RHOQ: variants seen among roughly 807,000 people sequenced by gnomAD.
RHOQ encodes the protein rho-related GTP-binding protein RhoQ.
In RHOQ, 7 loss-of-function variants were observed where a neutral mutation model predicts 25.8. The ratio of observed to expected loss-of-function variants is 0.27; its 90% CI spans 0.15 to 0.51. The LOEUF (loss-of-function observed/expected upper bound fraction) is 0.51. RHOQ is among the 20% of genes least tolerant of loss of function. The pLI is 0.97. For synonymous variants in RHOQ, 97 were observed against 98.6 expected, an observed-to-expected ratio of 0.98 and a Z score of 0.10; for missense variants, 165 against 260.6, an observed-to-expected ratio of 0.63 and a Z score of 2.53.
At chr2:46,547,283 G>A (rs763419653) in intron 2 of RHOQ, among the ~76,000 whole-genome samples, 1 of 152,194 alleles carries the variant, frequency 6.6e-6, no homozygotes, top group Non-Finnish European at 1.5e-5. Context: ...CTCACTCATG[G>A]TCCCTGCCTT....
rs1285345896 is a variant in RHOQ, at chr2:46,542,953, G to T, written c.-94G>T. On this transcript the variant is annotated 5_prime_UTR_variant, in exon 1 of 5. Transcript: ENST00000238738. ...CGGCCCTGCGGCGCGGAGCGGCGGC[G>T]ACGGCGGCGGACCCCCCAGGCGGGC... The T allele has an allele frequency of 7.6e-6, 6 of 794,030 alleles. No homozygotes were observed. The highest frequency in any genetic ancestry group is 8.0e-6 in the Non-Finnish European group (5 of 628,792). The allele number at this position is 794,030 out of a possible 1,614,324, so 49.2% of individuals were successfully genotyped here. A position where few individuals can be genotyped will look rare whatever the true frequency, so the allele number is the denominator to read the frequency against.
intron 2 of RHOQ, among the ~76,000 whole-genome samples, chr2:46,547,697 G>T (rs1209159470): frequency 1.3e-5 from 2 of 152,182 alleles, no homozygotes; most frequent in African/African-American, 4.8e-5. Flanking sequence ...TTCCTGCCTG[G>T]GCCTCTGTGG....
rs1277396698 is a variant in RHOQ, at chr2:46,548,235, C to T, written c.201+4423C>T. Among the ~76,000 whole-genome samples, 2 of 152,218 alleles carry T rather than the reference C, an allele frequency of 1.3e-5. No individual in the cohort carries two copies. Among genetic ancestry groups the T allele is most frequent in the South Asian group, 2.1e-4 (1 of 4,832 alleles). ...TCAATGACAAGTGAGATTTGTTTTACACTTGATATAACCCAGCAGCTGTGG... is the reference window on the plus strand; with the variant it reads ...TCAATGACAAGTGAGATTTGTTTTATACTTGATATAACCCAGCAGCTGTGG... On this transcript the variant is annotated intron_variant, in intron 2 of 4. Transcript: ENST00000238738. The surrounding 1 kb of genome is among the most constrained non-coding windows in gnomAD (Gnocchi z 5.2).
Position 46,556,346 on chromosome 2 carries a change from T to C in RHOQ, c.201+12534T>C, listed in dbSNP as rs1187748585. Among the ~76,000 whole-genome samples the C allele has an allele frequency of 6.6e-6, 1 of 152,172 alleles. No homozygotes were observed. Among genetic ancestry groups the C allele is most frequent in the African/African-American group, 2.4e-5 (1 of 41,448 alleles). On this transcript the variant is annotated intron_variant, in intron 2 of 4. Transcript: ENST00000238738. The surrounding 1 kb of genome is among the most constrained non-coding windows in gnomAD (Gnocchi z 4.9). Reference sequence around the variant, plus strand: ...CCATTCTTTCCCGGGCTCTGGGGACTATTTTCAGGGTTTCAAGGTACAAAG... The same window carrying C: ...CCATTCTTTCCCGGGCTCTGGGGACCATTTTCAGGGTTTCAAGGTACAAAG...
chr2:46,562,600 T>A (rs1558687425), intron 2 of RHOQ, among the ~76,000 whole-genome samples: 1 of 152,130 alleles, frequency 6.6e-6, no homozygotes, highest in Non-Finnish European at 1.5e-5. Context: ...TGTAGACATG[T>A]GTGCATTATT....
At chr2:46,543,594 CAGTG>C in intron 1 of RHOQ, 156 bp from the exon 2 acceptor site, 1 of 668,550 alleles carries the variant, frequency 1.5e-6, no homozygotes, top group Non-Finnish European at 2.7e-6. Flanking sequence ...TGCCGGTTCA[CAGTG>C]AGCTGGCCGC....
intron 2 of RHOQ, among the ~76,000 whole-genome samples, chr2:46,549,367 T>A (rs1668169310): frequency 6.6e-6 from 1 of 152,156 alleles, no homozygotes; most frequent in Non-Finnish European, 1.5e-5. Context: ...AATTGGGCTT[T>A]TGCGGTTTTG....
chr2:46,574,997 A>T (rs1314671322), intron 2 of RHOQ, among the ~76,000 whole-genome samples: 1 of 152,196 alleles, frequency 6.6e-6, no homozygotes, highest in Non-Finnish European at 1.5e-5. Flanking sequence ...CCAAAAATGG[A>T]ATCCGGACTC....
At chr2:46,554,777 TTTTC>T (rs1240298665) in intron 2 of RHOQ, among the ~76,000 whole-genome samples, 138 of 151,242 alleles carry the variant, frequency 9.1e-4, no homozygotes, top group African/African-American at 3.2e-3. Flanking sequence ...TTTTACATTT[TTTTC>T]TTTCTTTCTT....
Position 46,569,848 on chromosome 2 carries a change from G to C in RHOQ, c.202-6239G>C, listed in dbSNP as rs943694485. 1.3e-5 allele frequency among the ~76,000 whole-genome samples: 2 copies of C among 152,124 alleles called. No homozygotes were observed. Among genetic ancestry groups the C allele is most frequent in the African/African-American group, 4.8e-5 (2 of 41,430 alleles). On this transcript the variant is annotated intron_variant, in intron 2 of 4. Coordinates refer to ENST00000238738, the MANE Select transcript of RHOQ (RefSeq NM_012249.4). The surrounding 1 kb of genome is among the most constrained non-coding windows in gnomAD (Gnocchi z 4.1). ...AAAGAAAAGAAAACACCAGATGTTT[G>C]CAAAGTTTTTGAAAAACAGTGACCT...
In RHOQ at chr2:46,543,946, A is replaced by G. The variant is rs1667948685; in HGVS notation, c.201+134A>G. The stretch of plus-strand genomic sequence containing the variant: ...CGGGCTTCCCCTGGATTAGGTCTTT[A>G]TTTCTTGTAACAAGTCAGCAAATTA... On this transcript the variant is annotated intron_variant, in intron 2 of 4. Transcript: ENST00000238738. The G allele has an allele frequency of 5.9e-6, 4 of 681,196 alleles. No homozygotes were observed. In the East Asian group the frequency reaches 8.3e-5, roughly 14 times the overall value. The allele number at this position is 681,196 out of a possible 1,614,324, so 42.2% of individuals were successfully genotyped here. A position where few individuals can be genotyped will look rare whatever the true frequency, so the allele number is the denominator to read the frequency against.
At chr2:46,567,257 C>T (rs746940794) in intron 2 of RHOQ, among the ~76,000 whole-genome samples, 7 of 152,132 alleles carry the variant, frequency 4.6e-5, no homozygotes, top group African/African-American at 9.7e-5. Context: ...AAAATGACCA[C>T]GAATGCAACA....
At chr2:46,543,707 C>G in intron 1 of RHOQ, 47 bp from the exon 2 acceptor site, 1 of 1,578,560 alleles carries the variant, frequency 6.3e-7, no homozygotes, top group Non-Finnish European at 8.7e-7. Context: ...CCCCAGAGCC[C>G]AGGTCACTGT....
intron 2 of RHOQ, among the ~76,000 whole-genome samples, chr2:46,562,736 G>C (rs1292103321): frequency 6.6e-6 from 1 of 152,208 alleles, no homozygotes; most frequent in African/African-American, 2.4e-5. Context: ...TTTGAAAAAC[G>C]TATTTGAGAT....
chr2:46,546,293 T>G (rs953226128), intron 2 of RHOQ, among the ~76,000 whole-genome samples: 2 of 151,028 alleles, frequency 1.3e-5, no homozygotes, highest in Non-Finnish European at 3.0e-5. Flanking sequence ...ACATAGGAGA[T>G]CTCTACATTG....
chr2:46,579,760 G>A (rs189202202), intron 4 of RHOQ, among the ~76,000 whole-genome samples: 9 of 151,390 alleles, frequency 5.9e-5, no homozygotes, highest in Non-Finnish European at 1.5e-5. Context: ...AGGCAGAACC[G>A]CTTGAACCCA....
chr2:46,547,198 C>T (rs938696256), intron 2 of RHOQ, among the ~76,000 whole-genome samples: 1 of 152,218 alleles, frequency 6.6e-6, no homozygotes, highest in Non-Finnish European at 1.5e-5. Flanking sequence ...AATGTTCACT[C>T]ATGCATGTGG....
At chr2:46,580,828 A>G (rs954257957) in intron 4 of RHOQ, 100 bp from the exon 5 acceptor site, 7 of 831,236 alleles carry the variant, frequency 8.4e-6, no homozygotes, top group Admixed American at 6.1e-5. Context: ...TTCTTTTTGC[A>G]TAGCTGTATT....
In RHOQ at chr2:46,576,784, T is replaced by C. The variant is rs960819853; in HGVS notation, c.462+128T>C. On this transcript the variant is annotated intron_variant, in intron 4 of 4. Transcript: ENST00000238738. The surrounding 1 kb of genome is among the most constrained non-coding windows in gnomAD (Gnocchi z 5.1). The stretch of plus-strand genomic sequence containing the variant: ...TTACATGCATTATCTCATTTAATCC[T>C]TGCATGAACTCAGTGAGGTAGGTCT... The C allele has an allele frequency of 1.7e-6, 1 of 592,548 alleles. No individual in the cohort carries two copies. Among genetic ancestry groups the C allele is most frequent in the Non-Finnish European group, 3.0e-6 (1 of 338,814 alleles). 36.7% of individuals were successfully genotyped at this position (592,548 alleles called of 1,614,324 possible).
Sources: allele counts gnomAD v4.1 joint callset (sites outside exome capture counted in the v4.1 genomes callset), GRCh38; gene constraint gnomAD v4.1.1; non-coding constraint Gnocchi (gnomAD v3.1); transcripts MANE v1.5; gene names NCBI Gene and HGNC (gene_info 2026-07-23, HGNC 2026-07-21).